The following ENTREP2 variants were observed in gnomAD, a reference collection of about 807,000 sequenced individuals.
ENTREP2 encodes the protein protein ENTREP2.
the ENTREP2 span, among the ~76,000 whole-genome samples, chr15:29,578,186 G>A: frequency 6.6e-6 from 1 of 152,186 alleles, no homozygotes; most frequent in Non-Finnish European, 1.5e-5. Flanking sequence ...TGTTGGAGAG[G>A]ATGTGGAGAA....
the ENTREP2 span, among the ~76,000 whole-genome samples, chr15:29,607,151 A>G: frequency 6.6e-6 from 1 of 152,178 alleles, no homozygotes; most frequent in African/African-American, 2.4e-5. Flanking sequence ...ACATTATCAA[A>G]TCTTTTATTT....
chr15:29,346,410 C>T, the ENTREP2 span, among the ~76,000 whole-genome samples: 6 of 152,142 alleles, frequency 3.9e-5, no homozygotes. Flanking sequence ...CGGATCTTTG[C>T]TCTTTCTGTC....
chr15:29,289,861 A>G, the ENTREP2 span, among the ~76,000 whole-genome samples: 1 of 152,124 alleles, frequency 6.6e-6, no homozygotes, highest in African/African-American at 2.4e-5. Flanking sequence ...ATATATATAT[A>G]CATATATAAG....
chr15:29,369,592 A>AACACAC, the ENTREP2 span, among the ~76,000 whole-genome samples: 22 of 149,364 alleles, frequency 1.5e-4, no homozygotes, highest in African/African-American at 5.5e-4. Flanking sequence ...GCTGAAATTA[A>AACACAC]ACACACACAC....
chr15:29,166,749 A>AGC, the ENTREP2 span, among the ~76,000 whole-genome samples: 1 of 152,188 alleles, frequency 6.6e-6, no homozygotes, highest in African/African-American at 2.4e-5. Flanking sequence ...TACCAGCAAA[A>AGC]GCAATCTACA....
the ENTREP2 span, among the ~76,000 whole-genome samples, chr15:29,619,124 G>C: frequency 6.6e-6 from 1 of 152,192 alleles, no homozygotes; most frequent in Admixed American, 6.5e-5. Flanking sequence ...TGGGCGCGGT[G>C]GCTCACGCCT....
chr15:29,626,345 C>T, the ENTREP2 span, among the ~76,000 whole-genome samples: 2 of 152,164 alleles, frequency 1.3e-5, no homozygotes, highest in African/African-American at 4.8e-5. Flanking sequence ...TTCCCCCATA[C>T]TGTTCTTGTG....
At chr15:29,227,882 C>G in the ENTREP2 span, among the ~76,000 whole-genome samples, 2 of 152,022 alleles carry the variant, frequency 1.3e-5, no homozygotes, top group South Asian at 2.1e-4. Flanking sequence ...CAGTTCTGAG[C>G]CAAGATATGA....
chr15:29,636,290 A>G, the ENTREP2 span, among the ~76,000 whole-genome samples: 1 of 152,180 alleles, frequency 6.6e-6, no homozygotes, highest in Admixed American at 6.5e-5. Flanking sequence ...GCTTTGGCCA[A>G]TGGAACGTTA....
At chr15:29,425,259 C>T in the ENTREP2 span, among the ~76,000 whole-genome samples, 5 of 151,118 alleles carry the variant, frequency 3.3e-5, no homozygotes, top group African/African-American at 7.3e-5. Flanking sequence ...AGGATGGTCT[C>T]GATCTCCTGA....
chr15:29,293,129 T>C, the ENTREP2 span, among the ~76,000 whole-genome samples: 5 of 152,162 alleles, frequency 3.3e-5, no homozygotes, highest in African/African-American at 1.2e-4. Context: ...GATCTTCAAG[T>C]CAGGCAAAGG....
At chr15:29,222,660 G>A in the ENTREP2 span, among the ~76,000 whole-genome samples, 1 of 152,110 alleles carries the variant, frequency 6.6e-6, no homozygotes, top group African/African-American at 2.4e-5. Flanking sequence ...AGAATGTGCT[G>A]TGAGAAGTGC....
the ENTREP2 span, among the ~76,000 whole-genome samples, chr15:29,582,163 T>C: frequency 6.6e-6 from 1 of 152,092 alleles, no homozygotes; most frequent in African/African-American, 2.4e-5. Context: ...GGCTGGCTAA[T>C]TGATTTCTGA....
chr15:29,659,204 C>T, the ENTREP2 span, among the ~76,000 whole-genome samples: 14 of 152,224 alleles, frequency 9.2e-5, 1 homozygote, highest in Admixed American at 8.5e-4. Flanking sequence ...GGCACAGTGG[C>T]TCATGCCTGT....
chr15:29,353,191 A>G, the ENTREP2 span, among the ~76,000 whole-genome samples: 3 of 152,170 alleles, frequency 2.0e-5, no homozygotes, highest in East Asian at 5.8e-4. Context: ...CCCATTGCAC[A>G]GAATGGCAAT....
chr15:29,234,936 A>G, the ENTREP2 span: 4 of 1,537,180 alleles, frequency 2.6e-6, no homozygotes, highest in Non-Finnish European at 3.6e-6. Context: ...TCTGAGCCAG[A>G]TAAAATATAT....
At chr15:29,381,424 C>A in the ENTREP2 span, among the ~76,000 whole-genome samples, 1 of 139,780 alleles carries the variant, frequency 7.2e-6, no homozygotes, top group Non-Finnish European at 1.5e-5. Flanking sequence ...CCATTGCACT[C>A]CAGGCTAGGT....
At chr15:29,370,974 G>A in the ENTREP2 span, among the ~76,000 whole-genome samples, 78 of 151,840 alleles carry the variant, frequency 5.1e-4, no homozygotes, top group South Asian at 0.011. Context: ...TATTCATGTC[G>A]CTAGTTTTCA....
the ENTREP2 span, among the ~76,000 whole-genome samples, chr15:29,302,205 C>T: frequency 3.3e-5 from 5 of 152,018 alleles, no homozygotes; most frequent in Middle Eastern, 3.4e-3. Context: ...GACCATGTAA[C>T]AAAAATGGAA....
Sources: gnomAD v4.1 joint callset for allele counts (sites outside exome capture counted in the v4.1 genomes callset) on GRCh38, gnomAD v4.1.1 for gene constraint, MANE v1.5 for transcripts, NCBI Gene and HGNC (gene_info 2026-07-23, HGNC 2026-07-21) for gene names.